Variants in ENTHD1 observed in about 807,000 individuals in gnomAD.
The protein encoded by ENTHD1 is ENTH domain containing 1.
Under a neutral mutation model 39.1 loss-of-function variants are expected in ENTHD1, and 23 were observed. The observed-to-expected ratio is 0.59, with a 90% CI of 0.42 to 0.83. The LOEUF (loss-of-function observed/expected upper bound fraction) is 0.83. ENTHD1 is among the 40% of genes least tolerant of loss of function. The pLI is 0.00. For missense variants in ENTHD1, 624 were observed against 705.4 expected, an observed-to-expected ratio of 0.88 and a Z score of 1.31; for synonymous variants, 230 against 258.2, an observed-to-expected ratio of 0.89 and a Z score of 1.05.
intron 3 of ENTHD1, among the ~76,000 whole-genome samples, chr22:39,857,378 G>A (rs999659713): frequency 6.7e-6 from 1 of 148,792 alleles, no homozygotes; most frequent in African/African-American, 2.5e-5. Context: ...TGGAGGCAGA[G>A]GTTGCAGTGA....
intron 2 of ENTHD1, chr22:39,875,708 A>G: frequency 6.2e-7 from 1 of 1,612,778 alleles, no homozygotes; most frequent in South Asian, 1.1e-5. Context: ...CGTTTCCAGC[A>G]TGAGTGCTTC....
chr22:39,832,757 C>T (rs754711783), intron 4 of ENTHD1, among the ~76,000 whole-genome samples: 2 of 152,200 alleles, frequency 1.3e-5, no homozygotes, highest in African/African-American at 2.4e-5. Context: ...GAAAGGCCCC[C>T]GGGGAGACAC....
At chr22:39,786,289 A>G (rs2065457440) in intron 5 of ENTHD1, among the ~76,000 whole-genome samples, 1 of 152,198 alleles carries the variant, frequency 6.6e-6, no homozygotes, top group African/African-American at 2.4e-5. Flanking sequence ...TACGGTGTAC[A>G]ATGTGATGTT....
intron 4 of ENTHD1, among the ~76,000 whole-genome samples, chr22:39,827,217 G>A (rs1488977640): frequency 3.3e-5 from 5 of 151,804 alleles, no homozygotes; most frequent in African/African-American, 9.7e-5. Flanking sequence ...GGGTTTCACC[G>A]TATTAGCCAG....
chr22:39,824,120 T>C (rs2065805511), intron 4 of ENTHD1, among the ~76,000 whole-genome samples: 1 of 152,150 alleles, frequency 6.6e-6, no homozygotes, highest in Non-Finnish European at 1.5e-5. Context: ...AACAGGGTCT[T>C]TTGCAGAGCA....
chr22:39,810,813 C>T (rs1298370304), intron 5 of ENTHD1, among the ~76,000 whole-genome samples: 1 of 152,172 alleles, frequency 6.6e-6, no homozygotes, highest in Non-Finnish European at 1.5e-5. Context: ...AGACACTTTC[C>T]TAAAATCCCT....
At chr22:39,778,903 C>T (rs2065386191) in intron 5 of ENTHD1, among the ~76,000 whole-genome samples, 1 of 152,166 alleles carries the variant, frequency 6.6e-6, no homozygotes, top group African/African-American at 2.4e-5. Context: ...AAGCCAGAAT[C>T]ATTAGGCCAG....
chr22:39,812,948 A>C (rs890035400), intron 5 of ENTHD1, among the ~76,000 whole-genome samples: 3 of 152,024 alleles, frequency 2.0e-5, no homozygotes, highest in African/African-American at 7.3e-5. Context: ...ATGCCTGGCT[A>C]ATTTTTGTAT....
intron 3 of ENTHD1, among the ~76,000 whole-genome samples, chr22:39,854,209 A>G (rs1287607779): frequency 3.3e-5 from 5 of 152,204 alleles, no homozygotes; most frequent in Non-Finnish European, 5.9e-5. Flanking sequence ...CCACACAGAC[A>G]GGGACCTCAG....
chr22:39,767,491 C>T (rs2065286119), intron 5 of ENTHD1, among the ~76,000 whole-genome samples: 1 of 152,140 alleles, frequency 6.6e-6, no homozygotes, highest in Non-Finnish European at 1.5e-5. Flanking sequence ...ACAAAACACC[C>T]AAACGAATAT....
intron 2 of ENTHD1, among the ~76,000 whole-genome samples, chr22:39,865,814 AG>A (rs1308977902): frequency 1.2e-4 from 19 of 152,216 alleles, no homozygotes; most frequent in Non-Finnish European, 1.6e-4. Flanking sequence ...GTAATGCAAA[AG>A]CTAGGGAAAA....
chr22:39,748,717 C>T (rs2065126543), intron 6 of ENTHD1, among the ~76,000 whole-genome samples: 1 of 152,144 alleles, frequency 6.6e-6, no homozygotes, highest in Non-Finnish European at 1.5e-5. Flanking sequence ...GCCACTGAGC[C>T]TGGCCCCCAT....
chr22:39,881,703 G>A (rs1221213794), intron 2 of ENTHD1, among the ~76,000 whole-genome samples: 2 of 152,130 alleles, frequency 1.3e-5, no homozygotes, highest in Non-Finnish European at 2.9e-5. Flanking sequence ...GATGAGAAGC[G>A]CTATGGGGAA....
intron 3 of ENTHD1, among the ~76,000 whole-genome samples, chr22:39,847,900 A>G (rs2066003355): frequency 6.6e-6 from 1 of 152,248 alleles, no homozygotes; most frequent in South Asian, 2.1e-4. Context: ...GCAGTTCTGT[A>G]GTCAGAAGTG....
At chr22:39,888,569 A>C (rs1168972235) in intron 1 of ENTHD1, among the ~76,000 whole-genome samples, 1 of 152,074 alleles carries the variant, frequency 6.6e-6, no homozygotes, top group Non-Finnish European at 1.5e-5. Context: ...CTGGGATTAC[A>C]GATGCACGCC....
chr22:39,813,322 A>G (rs539161480), intron 5 of ENTHD1, among the ~76,000 whole-genome samples: 8 of 152,368 alleles, frequency 5.3e-5, no homozygotes, highest in African/African-American at 1.9e-4. Context: ...AATTTTAGAA[A>G]AAACAGCCCT....
intron 2 of ENTHD1, among the ~76,000 whole-genome samples, chr22:39,879,301 AAAAT>A (rs1334713254): frequency 6.6e-6 from 1 of 151,344 alleles, no homozygotes. Flanking sequence ...TCTCTACTAA[AAAAT>A]AAAAAAAATT....
intron 3 of ENTHD1, among the ~76,000 whole-genome samples, chr22:39,837,156 C>T (rs944186022): frequency 2.6e-5 from 4 of 152,076 alleles, no homozygotes; most frequent in African/African-American, 9.7e-5. Context: ...AGTATTAGTA[C>T]CAACTCTATC....
At chr22:39,836,302 T>G (rs1163692595) in intron 3 of ENTHD1, among the ~76,000 whole-genome samples, 1 of 152,146 alleles carries the variant, frequency 6.6e-6, no homozygotes, top group Non-Finnish European at 1.5e-5. Flanking sequence ...GAATAAATAT[T>G]AAAATCTTTG....
Sources: allele counts gnomAD v4.1 joint callset (sites outside exome capture counted in the v4.1 genomes callset), GRCh38; gene constraint gnomAD v4.1.1; transcripts MANE v1.5; gene names NCBI Gene and HGNC (gene_info 2026-07-23, HGNC 2026-07-21).